Variants in COL6A5 observed in about 807,000 individuals in gnomAD.
COL6A5 encodes collagen alpha-5(VI) chain.
COL6A5 carries 48 observed loss-of-function variants against 65.6 expected under a neutral mutation model. The observed-to-expected ratio is 0.73, with a 90% confidence interval of 0.58 to 0.93. The LOEUF is 0.93. Among genes scored for constraint, COL6A5 ranks in the 40% least tolerant of loss-of-function variants. COL6A5 has a pLI of 0.00. For synonymous variants in COL6A5, 291 were observed against 322.8 expected (o/e 0.90, Z 1.05); for missense variants, 914 against 928.3 (o/e 0.98, Z 0.20).
intron 4 of COL6A5, among the ~76,000 whole-genome samples, chr3:130,452,878 A>G (rs552142809): frequency 1.3e-5 from 2 of 152,156 alleles, no homozygotes; most frequent in South Asian, 2.1e-4. Context: ...TCAGGGGCAC[A>G]TTCTCTTTCT....
intron 24 of COL6A5, 45 bp from the exon 25 acceptor site, chr3:130,418,824 G>A: frequency 6.8e-7 from 1 of 1,470,122 alleles, no homozygotes; most frequent in Non-Finnish European, 9.3e-7. Flanking sequence ...GTAGGAACCA[G>A]GTTTGATTTT....
intron 5 of COL6A5, among the ~76,000 whole-genome samples, chr3:130,465,877 A>T (rs2107610951): frequency 6.6e-6 from 1 of 152,204 alleles, no homozygotes; most frequent in Non-Finnish European, 1.5e-5. Flanking sequence ...TAGAATTTGC[A>T]GGGTTGAAAA....
intron 4 of COL6A5, among the ~76,000 whole-genome samples, chr3:130,380,276 T>C (rs548004812): frequency 1.3e-5 from 2 of 152,214 alleles, no homozygotes; most frequent in African/African-American, 4.8e-5. Context: ...AAATCACACC[T>C]CAATAAAATG....
chr3:130,384,970 C>T (rs1293677897), exon 5 of COL6A5: 17 of 1,550,848 alleles, frequency 1.1e-5, no homozygotes, highest in African/African-American at 4.1e-5. Flanking sequence ...ATTCAGATGA[C>T]ACAGAAGTGG....
chr3:130,452,421 A>G (rs537337407), intron 4 of COL6A5, among the ~76,000 whole-genome samples: 23 of 152,288 alleles, frequency 1.5e-4, no homozygotes, highest in African/African-American at 4.3e-4. Context: ...AGAGTACAAA[A>G]GAGAGAAATT....
intron 7 of COL6A5, 57 bp downstream of exon 7, chr3:130,391,811 G>T: frequency 7.6e-7 from 1 of 1,321,460 alleles, no homozygotes; most frequent in Non-Finnish European, 1.0e-6. Context: ...TAAACAAAAA[G>T]TAAATCATAA....
chr3:130,410,066 G>A, exon 19 of COL6A5: 1 of 1,547,402 alleles, frequency 6.5e-7, no homozygotes, highest in South Asian at 1.2e-5. Context: ...AGGAGAACAA[G>A]GAAGACAAGT....
intron 5 of COL6A5, among the ~76,000 whole-genome samples, chr3:130,468,403 C>T (rs1246190907): frequency 6.6e-6 from 1 of 152,054 alleles, no homozygotes; most frequent in Non-Finnish European, 1.5e-5. Context: ...TCTATACTTT[C>T]TCTTGAGGTT....
chr3:130,465,564 T>C (rs1709795261), intron 5 of COL6A5, among the ~76,000 whole-genome samples: 1 of 151,998 alleles, frequency 6.6e-6, no homozygotes, highest in African/African-American at 2.4e-5. Context: ...ATCTAGCAAA[T>C]CATAATAGCA....
At chr3:130,440,120 T>C (rs766895296) in intron 2 of COL6A5, 46 bp from the exon 35 acceptor site, 15 of 1,489,696 alleles carry the variant, frequency 1.0e-5, no homozygotes, top group Non-Finnish European at 1.3e-5. Flanking sequence ...AAGTGTCTTG[T>C]TGGGTCAGTG....
chr3:130,458,309 T>G (rs1015542159), intron 5 of COL6A5, among the ~76,000 whole-genome samples: 2 of 151,850 alleles, frequency 1.3e-5, no homozygotes, highest in African/African-American at 4.8e-5. Context: ...TATTTAGGAG[T>G]GTGAATGAGG....
exon 7 of COL6A5, chr3:130,391,350 A>G (rs1936393818): frequency 1.9e-6 from 3 of 1,551,616 alleles, no homozygotes; most frequent in South Asian, 2.4e-5. Flanking sequence ...GACCAACCTA[A>G]CATCCTTTTC....
intron 8 of COL6A5, among the ~76,000 whole-genome samples, chr3:130,395,920 C>T (rs752005117): frequency 2.6e-5 from 4 of 151,738 alleles, no homozygotes; most frequent in Non-Finnish European, 5.9e-5. Context: ...TGTGTGTGTA[C>T]AGTGTATTTT....
At chr3:130,446,790 A>G (rs1416050993) in intron 4 of COL6A5, among the ~76,000 whole-genome samples, 1 of 35,142 alleles carries the variant, frequency 2.8e-5, no homozygotes, top group East Asian at 3.7e-4. Flanking sequence ...TAATTGTTCC[A>G]GGTTCCCAGG....
intron 7 of COL6A5, among the ~76,000 whole-genome samples, chr3:130,483,561 C>T (rs757618859): frequency 3.9e-5 from 6 of 152,140 alleles, no homozygotes; most frequent in African/African-American, 1.2e-4. Context: ...AAGTAGCTAA[C>T]AGCAGTCCTC....
chr3:130,401,380 A>G (rs150720226), intron 11 of COL6A5, among the ~76,000 whole-genome samples: 17 of 152,340 alleles, frequency 1.1e-4, no homozygotes, highest in Admixed American at 1.0e-3. Context: ...AAATGAATGC[A>G]TAAGTAACTA....
intron 7 of COL6A5, among the ~76,000 whole-genome samples, chr3:130,483,288 C>G (rs1710296009): frequency 6.6e-6 from 1 of 152,070 alleles, no homozygotes; most frequent in African/African-American, 2.4e-5. Context: ...ATTGTAAAGA[C>G]CATCGACACT....
intron 7 of COL6A5, among the ~76,000 whole-genome samples, chr3:130,394,324 G>A (rs906365957): frequency 6.6e-6 from 1 of 152,162 alleles, no homozygotes; most frequent in African/African-American, 2.4e-5. Flanking sequence ...TAGTAACTGT[G>A]TGCTCTTAGG....
chr3:130,433,203 T>G (rs1296370643), intron 1 of COL6A5, among the ~76,000 whole-genome samples: 2 of 152,156 alleles, frequency 1.3e-5, no homozygotes, highest in Non-Finnish European at 2.9e-5. Flanking sequence ...TTTCAGTTTT[T>G]CTTTTTGAAA....
Sources: gnomAD v4.1 joint callset for allele counts (sites outside exome capture counted in the v4.1 genomes callset) on GRCh38, gnomAD v4.1.1 for gene constraint, MANE v1.5 for transcripts, NCBI Gene and HGNC (gene_info 2026-07-23, HGNC 2026-07-21) for gene names.